ARHGAP15: variants seen among roughly 807,000 people sequenced by gnomAD.
ARHGAP15 encodes the protein Rho GTPase activating protein 15, also known as rho GTPase-activating protein 15.
ARHGAP15 carries 51 observed loss-of-function variants against 63.7 expected under a neutral mutation model. The ratio of observed to expected loss-of-function variants is 0.80; its 90% CI spans 0.64 to 1.01. The LOEUF (loss-of-function observed/expected upper bound fraction) is 1.01. Ranked by LOEUF, ARHGAP15 falls within the 50% of genes least tolerant of loss-of-function variation. The pLI is 0.00. For synonymous variants in ARHGAP15, 191 were observed against 193.8 expected, an observed-to-expected ratio of 0.99 and a Z score of 0.12; for missense variants, 560 against 564.6, an observed-to-expected ratio of 0.99 and a Z score of 0.08.
intron 6 of ARHGAP15, among the ~76,000 whole-genome samples, chr2:143,270,395 G>A (rs1307997096): frequency 1.3e-5 from 2 of 152,140 alleles, no homozygotes; most frequent in Admixed American, 6.5e-5. Flanking sequence ...TACCCATCCT[G>A]ATCGGTAGCT....
intron 10 of ARHGAP15, among the ~76,000 whole-genome samples, chr2:143,536,359 T>C (rs981475285): frequency 6.6e-6 from 1 of 152,206 alleles, no homozygotes; most frequent in South Asian, 2.1e-4. Flanking sequence ...TGTTCATTCA[T>C]GTTGTCACAA....
intron 12 of ARHGAP15, among the ~76,000 whole-genome samples, chr2:143,635,387 A>C (rs987755761): frequency 2.0e-5 from 3 of 151,814 alleles, no homozygotes; most frequent in Admixed American, 6.6e-5. Context: ...TGGAATAAGA[A>C]TGGATCCTTT....
chr2:143,206,820 T>C (rs1368034309), intron 3 of ARHGAP15, among the ~76,000 whole-genome samples: 2 of 152,090 alleles, frequency 1.3e-5, no homozygotes, highest in Non-Finnish European at 2.9e-5. Context: ...TATGAAGAGC[T>C]GGATTATTTT....
chr2:143,706,305 G>C (rs1239360767), intron 13 of ARHGAP15: 1 of 152,166 alleles, frequency 6.6e-6, no homozygotes, highest in Non-Finnish European at 1.5e-5. Flanking sequence ...AGAATCATTA[G>C]AATGTTTTCC....
At chr2:143,344,981 A>G (rs544077994) in intron 6 of ARHGAP15, among the ~76,000 whole-genome samples, 1 of 152,224 alleles carries the variant, frequency 6.6e-6, no homozygotes, top group Admixed American at 6.5e-5. Flanking sequence ...TTGATCTCTG[A>G]TTTTCTCAGA....
At chr2:143,721,414 A>G (rs73961845) in intron 13 of ARHGAP15, among the ~76,000 whole-genome samples, 45,148 of 152,018 alleles carry the variant, frequency 0.3, 7,429 homozygotes, top group Non-Finnish European at 0.38. Context: ...GGAGAAGAAA[A>G]GGTAAAGAAC....
chr2:143,567,706 A>G (rs533477242), intron 11 of ARHGAP15, among the ~76,000 whole-genome samples: 78 of 152,312 alleles, frequency 5.1e-4, no homozygotes, highest in African/African-American at 1.8e-3. Context: ...TTAGGGTCTT[A>G]TGTGAATTAT....
chr2:143,423,587 A>G (rs948317389), intron 6 of ARHGAP15, among the ~76,000 whole-genome samples: 2 of 152,092 alleles, frequency 1.3e-5, no homozygotes, highest in Non-Finnish European at 2.9e-5. Context: ...AAACTGCTGG[A>G]GGGATACCTC....
chr2:143,328,365 A>G (rs546910881), intron 6 of ARHGAP15, among the ~76,000 whole-genome samples: 1 of 152,356 alleles, frequency 6.6e-6, no homozygotes, highest in South Asian at 2.1e-4. Flanking sequence ...GATAGACTGG[A>G]TAAAGAAAAT....
At chr2:143,632,618 C>T (rs568297300) in intron 12 of ARHGAP15, among the ~76,000 whole-genome samples, 171 of 152,194 alleles carry the variant, frequency 1.1e-3, no homozygotes, top group African/African-American at 3.4e-3. Flanking sequence ...TATCCTGTGC[C>T]TAAACGGAAC....
chr2:143,162,361 A>T (rs1468680170), intron 2 of ARHGAP15: 1 of 152,018 alleles, frequency 6.6e-6, no homozygotes, highest in Non-Finnish European at 1.5e-5. Context: ...GAGAAGTGAC[A>T]GTGGGGTTTT....
chr2:143,169,555 G>A (rs1212238216), intron 2 of ARHGAP15, among the ~76,000 whole-genome samples: 2 of 152,032 alleles, frequency 1.3e-5, no homozygotes, highest in African/African-American at 2.4e-5. Context: ...ATGTATTCAG[G>A]TGGTTATTTG....
intron 6 of ARHGAP15, among the ~76,000 whole-genome samples, chr2:143,287,823 AAGAAATGTCTGAG>A (rs1682184934): frequency 6.6e-6 from 1 of 152,126 alleles, no homozygotes; most frequent in Non-Finnish European, 1.5e-5. Context: ...AAAAGAAAAA[AAGAAATGTCTGAG>A]ACTTCTGCTC....
intron 11 of ARHGAP15, among the ~76,000 whole-genome samples, chr2:143,611,695 C>G (rs1698259972): frequency 6.6e-6 from 1 of 152,132 alleles, no homozygotes; most frequent in Non-Finnish European, 1.5e-5. Context: ...CTTAGCATCA[C>G]CAAACAAAAG....
intron 12 of ARHGAP15, among the ~76,000 whole-genome samples, chr2:143,656,951 G>GTA (rs1486720352): frequency 1.9e-4 from 29 of 151,524 alleles, no homozygotes; most frequent in African/African-American, 7.0e-4. Context: ...GTGTGTGTGT[G>GTA]TGTGTGTGTG....
intron 1 of ARHGAP15, among the ~76,000 whole-genome samples, chr2:143,137,849 A>G (rs1295378510): frequency 6.6e-6 from 1 of 152,086 alleles, no homozygotes; most frequent in African/African-American, 2.4e-5. Context: ...TTCATGTTAG[A>G]ATTTTAAAGA....
At chr2:143,632,498 GT>G (rs1400652689) in intron 12 of ARHGAP15, among the ~76,000 whole-genome samples, 1 of 151,750 alleles carries the variant, frequency 6.6e-6, no homozygotes, top group Non-Finnish European at 1.5e-5. Context: ...TAAATGCCTG[GT>G]TTTTTTTAAA....
intron 11 of ARHGAP15, among the ~76,000 whole-genome samples, chr2:143,596,915 CT>C (rs1212185589): frequency 6.6e-6 from 1 of 152,068 alleles, no homozygotes; most frequent in Non-Finnish European, 1.5e-5. Context: ...AAGTAATATT[CT>C]AACTATAAAT....
intron 13 of ARHGAP15, among the ~76,000 whole-genome samples, chr2:143,721,113 G>T (rs1685039661): frequency 6.7e-6 from 1 of 150,340 alleles, no homozygotes; most frequent in Non-Finnish European, 1.5e-5. Flanking sequence ...CTGGGATGAG[G>T]CCTGAGATTC....
Sources: gnomAD v4.1 joint callset for allele counts (sites outside exome capture counted in the v4.1 genomes callset) on GRCh38, gnomAD v4.1.1 for gene constraint, MANE v1.5 for transcripts, NCBI Gene and HGNC (gene_info 2026-07-23, HGNC 2026-07-21) for gene names.